Variants in MACF1 observed in about 807,000 individuals in gnomAD.
MACF1 encodes microtubule actin crosslinking factor 1, also known as microtubule-actin cross-linking factor 1.
In MACF1, 193 loss-of-function variants were observed where a neutral mutation model predicts 854.8. That is an observed-to-expected ratio of 0.23 (90% CI 0.20 to 0.25). The LOEUF (loss-of-function observed/expected upper bound fraction) is 0.25. MACF1 is among the 10% of genes least tolerant of loss of function. The pLI, the probability that MACF1 is intolerant of heterozygous loss-of-function variation, is 1.00. For missense variants in MACF1, 7,722 were observed against 8,929.1 expected (o/e 0.86, Z 5.45); for synonymous variants, 3,185 against 3,226.7 (o/e 0.99, Z 0.44).
At chr1:39,384,392 A>G (rs912255958) in intron 56 of MACF1, among the ~76,000 whole-genome samples, 2 of 152,178 alleles carry the variant, frequency 1.3e-5, no homozygotes, top group African/African-American at 4.8e-5. Context: ...AGTACTTTCT[A>G]TAAATTATCT....
intron 6 of MACF1, among the ~76,000 whole-genome samples, chr1:39,261,093 G>T (rs1645159098): frequency 6.6e-6 from 1 of 152,074 alleles, no homozygotes; most frequent in Non-Finnish European, 1.5e-5. Context: ...TTGGGGGGTT[G>T]CTTTTTTCCT....
At position 39,105,843 on chromosome 1, in the gene MACF1, C is replaced by G; in HGVS notation, c.220+21405C>G. The G allele has an allele frequency of 1.4e-6, 1 of 735,364 alleles. No individual in the cohort carries two copies. The highest frequency in any genetic ancestry group is 1.9e-5 in the African/African-American group (1 of 52,252). 45.6% of individuals were successfully genotyped at this position (735,364 alleles called of 1,614,324 possible). On this transcript the variant is annotated intron_variant, in intron 2 of 93. Transcript: ENST00000361689. The surrounding 1 kb of genome is among the most constrained non-coding windows in gnomAD (Gnocchi z 5.9). ...GTCGCACCCACCGCGCGGGGCTTGGCCCTGAGCTGCTGCTTCTCGGGGCCA... is the reference window on the plus strand; with the variant it reads ...GTCGCACCCACCGCGCGGGGCTTGGGCCTGAGCTGCTGCTTCTCGGGGCCA...
chr1:39,330,246 A>G (rs1646694560), intron 36 of MACF1, among the ~76,000 whole-genome samples: 1 of 152,184 alleles, frequency 6.6e-6, no homozygotes, highest in Non-Finnish European at 1.5e-5. Context: ...ACCTAGAACT[A>G]ACTTAATTTA....
At chr1:39,115,482 G>A (rs1337233201) in intron 2 of MACF1, among the ~76,000 whole-genome samples, 1 of 152,128 alleles carries the variant, frequency 6.6e-6, no homozygotes, top group Non-Finnish European at 1.5e-5. Context: ...GAATATAAGA[G>A]GAGGAAGGTT....
intron 5 of MACF1, among the ~76,000 whole-genome samples, chr1:39,255,342 G>A (rs1645085143): frequency 6.6e-6 from 1 of 152,188 alleles, no homozygotes; most frequent in South Asian, 2.1e-4. Context: ...ACAGAGGGAG[G>A]GGTGAAGATA....
chr1:39,222,114 T>A (rs1157423191), intron 1 of MACF1, among the ~76,000 whole-genome samples: 2 of 152,084 alleles, frequency 1.3e-5, no homozygotes, highest in Non-Finnish European at 2.9e-5. Context: ...CTACTTGTGC[T>A]TTGTAAATTA....
chr1:39,341,652 C>T (rs113767529), intron 40 of MACF1, among the ~76,000 whole-genome samples: 3 of 151,836 alleles, frequency 2.0e-5, no homozygotes, highest in Non-Finnish European at 2.9e-5. Context: ...GAGCCAAGAC[C>T]GCGCCATTGC....
In MACF1 at chr1:39,485,719, C is replaced by T. The variant is rs562381940; in HGVS notation, c.22593C>T (p.Asn7531=). 686 of 1,613,948 alleles carry T rather than the reference C, an allele frequency of 4.3e-4. 6 individuals are homozygous for T. In the South Asian group the frequency reaches 7.0e-3, roughly 17 times the overall value. The stretch of plus-strand genomic sequence containing the variant: ...AAGGCAACTCCAGGAGAGGGCTAAA[C>T]AAACCTTCCAAAATCCCAACCATGT... The part of the protein sequence containing the change: ...GGQGNSRRGL[N]KPSKIPTMSK... The change falls in exon 101 of 101, where the codon AAC becomes AAT. Residue 7531 remains asparagine (N), a synonymous_variant. Coordinates refer to ENST00000564288, the MANE Select transcript of MACF1 (RefSeq NM_001394062.1).
chr1:39,371,864 G>T (rs1434674035), intron 51 of MACF1, among the ~76,000 whole-genome samples: 1 of 150,760 alleles, frequency 6.6e-6, no homozygotes, highest in Non-Finnish European at 1.5e-5. Context: ...CCCAGGCTGG[G>T]ATGCCGTGGC....
At chr1:39,164,272 A>T (rs879214985) in intron 2 of MACF1, among the ~76,000 whole-genome samples, 1 of 152,188 alleles carries the variant, frequency 6.6e-6, no homozygotes, top group African/African-American at 2.4e-5. Flanking sequence ...GTCTTAATAC[A>T]TATATTCAAA....
intron 64 of MACF1, 89 bp from the exon 65 acceptor site, chr1:39,429,738 A>G: frequency 7.9e-7 from 1 of 1,261,362 alleles, no homozygotes; most frequent in East Asian, 2.3e-5. Flanking sequence ...GCGTCTATGA[A>G]ATTAAAGCTC....
intron 2 of MACF1, among the ~76,000 whole-genome samples, chr1:39,195,132 C>T (rs898396373): frequency 3.3e-5 from 5 of 152,036 alleles, no homozygotes; most frequent in Non-Finnish European, 5.9e-5. Context: ...AAAGATGGTT[C>T]GACACCCTTG....
At position 39,348,409 on chromosome 1, in the gene MACF1, C is replaced by G. The variant is rs150001769; in HGVS notation, c.10816-1069C>G. ...CTCCCTGAGCATGTAATTAATTCCA[C>G]AATGCTTATTAACCTTGTTATTGTC... On this transcript the variant is annotated intron_variant, in intron 41 of 100. Transcript: ENST00000564288. 1.5e-3 allele frequency among the ~76,000 whole-genome samples: 228 copies of G among 152,322 alleles called. 4 individuals are homozygous for G. Among genetic ancestry groups the G allele is most frequent in the Middle Eastern group, 6.8e-3 (2 of 294 alleles).
intron 86 of MACF1, 37 bp from the exon 87 acceptor site, chr1:39,452,647 A>G (rs759784537): frequency 6.2e-7 from 1 of 1,611,516 alleles, no homozygotes; most frequent in Non-Finnish European, 8.5e-7. Context: ...CCTTGGCTGC[A>G]GAGAGAGGTT....
intron 2 of MACF1, among the ~76,000 whole-genome samples, chr1:39,104,343 G>A (rs2148134914): frequency 6.6e-6 from 1 of 152,316 alleles, no homozygotes; most frequent in East Asian, 1.9e-4. Flanking sequence ...TGGGAGCTCT[G>A]TCCTCAAAAT....
intron 2 of MACF1, among the ~76,000 whole-genome samples, chr1:39,114,929 G>A (rs1046807872): frequency 5.9e-5 from 9 of 152,156 alleles, no homozygotes; most frequent in South Asian, 2.1e-4. Flanking sequence ...TGGGGAAAGA[G>A]CATTCTGGGC....
At position 39,353,240 on chromosome 1, in the gene MACF1, G is replaced by A; in HGVS notation, c.11424+9G>A. 6.3e-7 allele frequency: 1 copy of A among 1,583,740 alleles called. No homozygotes were observed. Among genetic ancestry groups the A allele is most frequent in the Non-Finnish European group, 8.6e-7 (1 of 1,157,246 alleles). Reference sequence around the variant, plus strand: ...AATGTGAGATGATGAAGGTAAGGGTGTTAGCTTATCCTCACTATGCTAGAG... The same window carrying A: ...AATGTGAGATGATGAAGGTAAGGGTATTAGCTTATCCTCACTATGCTAGAG... On this transcript the variant is annotated intron_variant, in intron 44 of 100. Coordinates refer to ENST00000564288, the MANE Select transcript of MACF1 (RefSeq NM_001394062.1).
intron 6 of MACF1, among the ~76,000 whole-genome samples, chr1:39,265,774 C>T (rs1380007662): frequency 6.6e-6 from 1 of 152,164 alleles, no homozygotes; most frequent in African/African-American, 2.4e-5. Flanking sequence ...CCATCTATAT[C>T]TTAGGATCCC....
intron 2 of MACF1, among the ~76,000 whole-genome samples, chr1:39,190,391 G>GTTTTTTT (rs1557508061): frequency 2.4e-5 from 1 of 41,734 alleles, no homozygotes; most frequent in Non-Finnish European, 5.8e-5. Context: ...GTGTGTGTGT[G>GTTTTTTT]TTTGTTTTTG....
Sources: allele counts gnomAD v4.1 joint callset (sites outside exome capture counted in the v4.1 genomes callset), GRCh38; gene constraint gnomAD v4.1.1; non-coding constraint Gnocchi (gnomAD v3.1); transcripts MANE v1.5; gene names NCBI Gene and HGNC (gene_info 2026-07-23, HGNC 2026-07-21).